USH2A: variants seen among roughly 807,000 people sequenced by gnomAD.
USH2A encodes Usher syndrome 2A (autosomal recessive, mild).
In USH2A, 443 loss-of-function variants were observed where a neutral mutation model predicts 538.9. The observed-to-expected ratio is 0.82, with a 90% CI of 0.76 to 0.89. The LOEUF is 0.89. USH2A is among the 40% of genes least tolerant of loss of function. USH2A has a pLI of 0.00. For synonymous variants in USH2A, 2,413 were observed against 2,273.5 expected, an observed-to-expected ratio of 1.06 and a Z score of -1.75; for missense variants, 6,633 against 6,324.8, an observed-to-expected ratio of 1.05 and a Z score of -1.65.
At chr1:215,658,095 C>G (rs556857665) in intron 64 of USH2A, among the ~76,000 whole-genome samples, 5 of 151,826 alleles carry the variant, frequency 3.3e-5, no homozygotes, top group Non-Finnish European at 5.9e-5. Context: ...CCACCCCGCC[C>G]GGCTAATTTT....
Position 216,327,604 on chromosome 1 carries a change from C to A in USH2A, c.835G>T (p.Ala279Ser), listed in dbSNP as rs764553154. The change falls in exon 5 of 72, where the codon GCA (alanine) becomes TCA (serine). Residue 279 changes from alanine to serine, a missense_variant. Physicochemically the swap from Ala to Ser is moderately conservative, Grantham distance 99. Coordinates refer to ENST00000307340, the MANE Select transcript of USH2A (RefSeq NM_206933.4). ...ACATCTGCTTACCTGTTTGTAAGTGCCACTTGGTATAATCGAAAATCTTGC... is the reference window on the plus strand; with the variant it reads ...ACATCTGCTTACCTGTTTGTAAGTGACACTTGGTATAATCGAAAATCTTGC... ...RMQDFRLYQV[A>S]LTNREILEVF... The A allele has an allele frequency of 6.2e-7, 1 of 1,613,016 alleles. No homozygotes were observed. The highest frequency in any genetic ancestry group is 1.3e-5 in the African/African-American group (1 of 74,836).
rs1289137296 is a variant in USH2A at position 215,921,329 on chromosome 1, T to A, written c.7300+13287A>T. ...CTTTGCCTTCTCCACACAGGGTACG[T>A]ACCACATAATATTGCTTCTGCTTAA... On this transcript the variant is annotated intron_variant, in intron 38 of 71. Coordinates refer to ENST00000307340, the MANE Select transcript of USH2A (RefSeq NM_206933.4). 2.0e-5 allele frequency among the ~76,000 whole-genome samples: 3 copies of A among 152,196 alleles called. No individual in the cohort carries two copies. In the South Asian group the frequency reaches 6.2e-4, roughly 32 times the overall value.
At chr1:215,638,289 T>A (rs1656563986) in intron 69 of USH2A, among the ~76,000 whole-genome samples, 1 of 152,200 alleles carries the variant, frequency 6.6e-6, no homozygotes, top group African/African-American at 2.4e-5. Context: ...AGCTCTCTGG[T>A]CTTTTCCATA....
At position 215,888,392 on chromosome 1, in the gene USH2A, G is replaced by A. The variant is rs369889696; in HGVS notation, c.8223+34C>T. 9.6e-5 allele frequency: 154 copies of A among 1,610,902 alleles called. No individual in the cohort carries two copies. In the African/African-American group the frequency reaches 1.7e-3, roughly 18 times the overall value. On this transcript the variant is annotated intron_variant, in intron 41 of 71. Coordinates refer to ENST00000307340, the MANE Select transcript of USH2A (RefSeq NM_206933.4). ...GAGTCAATCCAGGGTACATTCCTAA[G>A]TCTGCAAAGGAGAGAGAATAGTCAG...
chr1:216,349,063 C>T (rs1201375901), intron 4 of USH2A, among the ~76,000 whole-genome samples: 1 of 152,068 alleles, frequency 6.6e-6, no homozygotes, highest in African/African-American at 2.4e-5. Context: ...CTGTTATACT[C>T]TTTGTGTAGG....
chr1:216,286,468 C>A (rs1419586767), intron 11 of USH2A, among the ~76,000 whole-genome samples: 1 of 152,060 alleles, frequency 6.6e-6, no homozygotes, highest in Non-Finnish European at 1.5e-5. Context: ...GTGGCTCATG[C>A]CTGTAATCCT....
chr1:215,994,868 A>T (rs2102478406), intron 34 of USH2A, among the ~76,000 whole-genome samples: 1 of 152,310 alleles, frequency 6.6e-6, no homozygotes, highest in East Asian at 1.9e-4. Context: ...AAAATATGGC[A>T]GGAAAAGAGG....
chr1:215,699,250 C>A (rs1163284663), intron 61 of USH2A, among the ~76,000 whole-genome samples: 1 of 152,070 alleles, frequency 6.6e-6, no homozygotes, highest in Non-Finnish European at 1.5e-5. Context: ...AGTTAGGTAG[C>A]ATGATGCCTC....
At chr1:215,898,331 A>C (rs149109616) in intron 40 of USH2A, among the ~76,000 whole-genome samples, 1 of 152,338 alleles carries the variant, frequency 6.6e-6, no homozygotes, top group East Asian at 1.9e-4. Context: ...CTGGGTATGA[A>C]AATTCTAACG....
chr1:216,201,697 C>A, intron 16 of USH2A: 1 of 208,614 alleles, frequency 4.8e-6, no homozygotes. Flanking sequence ...TTGTGGGGGG[C>A]ACCTTGGGCA....
rs756931766 is a variant in USH2A at position 215,980,036 on chromosome 1, ATC to A, written c.6806-9262_6806-9261del. On this transcript the variant is annotated intron_variant, in intron 35 of 71. Coordinates refer to ENST00000307340, the MANE Select transcript of USH2A (RefSeq NM_206933.4). ...AGAAACTGAATTAAAGATACATGGA[ATC>A]TCTGTCTCTTGTAATTTCTTGTGAA... is the stretch of plus-strand genomic sequence containing the variant. Among the ~76,000 whole-genome samples the A allele has an allele frequency of 1.1e-4, 16 of 152,288 alleles. No homozygotes were observed. In the East Asian group the frequency reaches 2.1e-3, roughly 20 times the overall value.
Position 216,398,123 on chromosome 1 carries a change from C to T in USH2A, c.651+20391G>A, listed in dbSNP as rs551502698. ...TTAAATACAATAAGGAGCTTACAGC[C>T]AACAGCTATTTTAAAATGGTAGACA... On this transcript the variant is annotated intron_variant, in intron 3 of 71. Transcript: ENST00000307340. 3.3e-5 allele frequency among the ~76,000 whole-genome samples: 5 copies of T among 152,260 alleles called. No individual in the cohort carries two copies. In the South Asian group the frequency reaches 6.2e-4, roughly 19 times the overall value.
intron 61 of USH2A, among the ~76,000 whole-genome samples, chr1:215,692,661 A>C (rs1658656109): frequency 6.6e-6 from 1 of 152,140 alleles, no homozygotes; most frequent in Non-Finnish European, 1.5e-5. Context: ...TAAATTTGCA[A>C]CAACAGTACT....
chr1:216,007,390 G>T (rs1380161839), intron 32 of USH2A, among the ~76,000 whole-genome samples: 2 of 152,128 alleles, frequency 1.3e-5, no homozygotes, highest in Non-Finnish European at 2.9e-5. Context: ...GTGACTGAGG[G>T]AACAGAGAAG....
At chr1:215,799,181 T>A in intron 49 of USH2A, 56 bp from the exon 50 acceptor site, 2 of 1,495,592 alleles carry the variant, frequency 1.3e-6, no homozygotes, top group Non-Finnish European at 1.8e-6. Context: ...ATGCTATGAC[T>A]AACAATTAAC....
intron 21 of USH2A, among the ~76,000 whole-genome samples, chr1:216,105,040 C>A (rs1422460697): frequency 6.6e-6 from 1 of 152,156 alleles, no homozygotes; most frequent in Non-Finnish European, 1.5e-5. Context: ...ATTTATGCAG[C>A]CAACAGACAC....
intron 21 of USH2A, among the ~76,000 whole-genome samples, chr1:216,110,399 T>C (rs2032838461): frequency 6.6e-6 from 1 of 151,952 alleles, no homozygotes; most frequent in African/African-American, 2.4e-5. Flanking sequence ...AATAAAGAAA[T>C]GGATTAATGA....
chr1:216,294,079 A>T (rs915852755), intron 9 of USH2A, among the ~76,000 whole-genome samples: 11 of 152,212 alleles, frequency 7.2e-5, no homozygotes, highest in Non-Finnish European at 1.5e-4. Context: ...TAGGTCTGTT[A>T]TGTACTGGAA....
At chr1:216,285,729 C>T (rs1300367693) in intron 11 of USH2A, among the ~76,000 whole-genome samples, 1 of 152,232 alleles carries the variant, frequency 6.6e-6, no homozygotes, top group Non-Finnish European at 1.5e-5. Context: ...CCAGCAAAGC[C>T]ACAGGGGCCG....
Sources: gnomAD v4.1 joint callset for allele counts (sites outside exome capture counted in the v4.1 genomes callset) on GRCh38, gnomAD v4.1.1 for gene constraint, MANE v1.5 for transcripts, NCBI Gene and HGNC (gene_info 2026-07-23, HGNC 2026-07-21) for gene names.